Variants in HBS1L observed in about 807,000 individuals in gnomAD.
HBS1L encodes HBS1-like protein.
Under a neutral mutation model 88.9 loss-of-function variants are expected in HBS1L, and 55 were observed. That is an observed-to-expected ratio of 0.62 (90% CI 0.50 to 0.77). The LOEUF is 0.77. Ranked by LOEUF, HBS1L falls within the 30% of genes least tolerant of loss-of-function variation. The pLI is 0.00. For missense variants in HBS1L, 741 were observed against 829.3 expected, an observed-to-expected ratio of 0.89 and a Z score of 1.31; for synonymous variants, 267 against 288.5, an observed-to-expected ratio of 0.93 and a Z score of 0.76.
At chr6:135,025,201 T>C (rs1166832539) in intron 4 of HBS1L, among the ~76,000 whole-genome samples, 1 of 152,082 alleles carries the variant, frequency 6.6e-6, no homozygotes, top group East Asian at 1.9e-4. Flanking sequence ...AACTGTACTT[T>C]CAAAAAAGTA....
At chr6:135,013,708 T>C (rs542252087) in intron 4 of HBS1L, among the ~76,000 whole-genome samples, 3 of 152,178 alleles carry the variant, frequency 2.0e-5, no homozygotes, top group Non-Finnish European at 4.4e-5. Context: ...GAAAGGAATA[T>C]TTAAGAGACT....
chr6:135,013,209 T>G (rs993020964), intron 4 of HBS1L, among the ~76,000 whole-genome samples: 3 of 152,198 alleles, frequency 2.0e-5, no homozygotes, highest in African/African-American at 7.2e-5. Flanking sequence ...TTAGGAGAAC[T>G]GAGAATTAAA....
chr6:134,991,517 C>CT (rs1264830412), intron 8 of HBS1L, among the ~76,000 whole-genome samples: 1 of 152,132 alleles, frequency 6.6e-6, no homozygotes, highest in Non-Finnish European at 1.5e-5. Flanking sequence ...ATAATATACA[C>CT]TTCCTAGAGT....
At chr6:134,996,733 G>C in intron 7 of HBS1L, 44 bp downstream of exon 7, 16 of 1,397,226 alleles carry the variant, frequency 1.1e-5, no homozygotes, top group Non-Finnish European at 1.6e-5. Context: ...TATTTTAGAA[G>C]ACTGTATGAT....
At chr6:135,049,122 G>A (rs767561935) in intron 2 of HBS1L, among the ~76,000 whole-genome samples, 3 of 152,172 alleles carry the variant, frequency 2.0e-5, no homozygotes, top group Non-Finnish European at 4.4e-5. Flanking sequence ...ATAACAAAAT[G>A]CCATAAACTA....
At chr6:134,980,536 G>A (rs1314613194) in intron 13 of HBS1L, among the ~76,000 whole-genome samples, 1 of 151,936 alleles carries the variant, frequency 6.6e-6, no homozygotes, top group Non-Finnish European at 1.5e-5. Context: ...ACACACAATA[G>A]AGATTGACTT....
intron 5 of HBS1L, among the ~76,000 whole-genome samples, chr6:135,002,172 T>G (rs1033920868): frequency 3.9e-5 from 6 of 152,112 alleles, no homozygotes; most frequent in African/African-American, 1.4e-4. Flanking sequence ...GAGACTTTGA[T>G]AAGAACAAAC....
intron 4 of HBS1L, among the ~76,000 whole-genome samples, chr6:135,028,652 T>C (rs1384030657): frequency 6.6e-6 from 1 of 152,146 alleles, no homozygotes; most frequent in Non-Finnish European, 1.5e-5. Context: ...ATCTTAAATG[T>C]TAGCAAATAA....
chr6:134,979,127 G>T (rs369248406), intron 14 of HBS1L, 51 bp downstream of exon 14: 67 of 1,308,864 alleles, frequency 5.1e-5, no homozygotes, highest in Non-Finnish European at 7.4e-5. Context: ...GTGTTTAGAG[G>T]TGAGGTCCTA....
chr6:135,008,240 G>T (rs185442352), intron 4 of HBS1L, among the ~76,000 whole-genome samples: 1 of 152,138 alleles, frequency 6.6e-6, no homozygotes, highest in Non-Finnish European at 1.5e-5. Context: ...CTAATCATCC[G>T]TTAGGTACAG....
chr6:135,045,491 G>A (rs1022614879), intron 2 of HBS1L, among the ~76,000 whole-genome samples: 6 of 152,162 alleles, frequency 3.9e-5, no homozygotes, highest in African/African-American at 7.2e-5. Flanking sequence ...CTTCTTCCCC[G>A]GGAGATTATG....
At chr6:135,004,069 C>G (rs1247461919) in intron 4 of HBS1L, among the ~76,000 whole-genome samples, 3 of 151,946 alleles carry the variant, frequency 2.0e-5, no homozygotes, top group Non-Finnish European at 1.5e-5. Context: ...GCATGTGCTA[C>G]ATTGGTAAAC....
chr6:134,977,318 ATAT>A (rs1339915704), intron 15 of HBS1L, among the ~76,000 whole-genome samples: 1 of 152,098 alleles, frequency 6.6e-6, no homozygotes, highest in African/African-American at 2.4e-5. Context: ...CCATTGGCAA[ATAT>A]TATTATTGCA....
chr6:135,017,997 A>C (rs116273677), intron 4 of HBS1L, among the ~76,000 whole-genome samples: 70,499 of 150,644 alleles, frequency 0.47, 16,696 homozygotes, highest in South Asian at 0.56. Flanking sequence ...ACAAACAAAA[A>C]AAAAAAACAG....
Position 134,966,360 on chromosome 6 carries a change from C to A in HBS1L, c.2012G>T (p.Gly671Val), listed in dbSNP as rs748172292. 8 of 1,612,280 alleles carry A rather than the reference C, an allele frequency of 5.0e-6. No individual in the cohort carries two copies. The highest frequency in any genetic ancestry group is 6.8e-6 in the Non-Finnish European group (8 of 1,179,042). ...ELGRFMLRYG[G>V]STIAAGVVTE... ...GACAACACCAGCAGCTATTGTAGAACCACCGTAACGTAGCATGAACCTCCC... is the reference window on the plus strand; with the variant it reads ...GACAACACCAGCAGCTATTGTAGAAACACCGTAACGTAGCATGAACCTCCC... The change falls in exon 17 of 18, where the codon GGT becomes GTT. Residue 671 changes from glycine (G) to valine (V), a missense_variant. Around this residue, in one of 3 missense-constraint regions of HBS1L, gnomAD observed 181 missense variants for 212.7 expected, o/e 0.85. Coordinates refer to ENST00000367837, the MANE Select transcript of HBS1L (RefSeq NM_006620.4).
chr6:135,040,999 T>C (rs1428031476), intron 3 of HBS1L, among the ~76,000 whole-genome samples: 1 of 152,136 alleles, frequency 6.6e-6, no homozygotes, highest in African/African-American at 2.4e-5. Context: ...AGATTGAAAA[T>C]CATGGCACTA....
intron 4 of HBS1L, among the ~76,000 whole-genome samples, chr6:135,033,827 T>C (rs1024347826): frequency 1.3e-4 from 20 of 152,218 alleles, no homozygotes; most frequent in African/African-American, 4.8e-4. Flanking sequence ...TGTGGACCAC[T>C]TGTGCAGCAC....
intron 5 of HBS1L, among the ~76,000 whole-genome samples, chr6:134,999,313 G>A (rs1209092149): frequency 6.6e-6 from 1 of 152,126 alleles, no homozygotes; most frequent in African/African-American, 2.4e-5. Flanking sequence ...AGCCCTCAGA[G>A]GGGCTGCCAG....
intron 15 of HBS1L, among the ~76,000 whole-genome samples, chr6:134,971,652 A>G (rs918410127): frequency 3.9e-5 from 6 of 152,206 alleles, no homozygotes; most frequent in Non-Finnish European, 8.8e-5. Context: ...GTGACTGCAC[A>G]CTATCTCAAT....
Sources: allele counts gnomAD v4.1 joint callset (sites outside exome capture counted in the v4.1 genomes callset), GRCh38; gene constraint gnomAD v4.1.1; regional missense constraint gnomAD v4.1.1; transcripts MANE v1.5; gene names NCBI Gene and HGNC (gene_info 2026-07-23, HGNC 2026-07-21).